The following STAC variants were observed in gnomAD, a reference collection of about 807,000 sequenced individuals.
STAC encodes SH3 and cysteine-rich domain-containing protein.
STAC carries 43 observed loss-of-function variants against 48.8 expected under a neutral mutation model. The observed-to-expected ratio is 0.88, with a 90% CI of 0.69 to 1.14. The LOEUF (loss-of-function observed/expected upper bound fraction) is 1.14. Ranked by LOEUF, STAC falls within the 50% of genes most tolerant of loss-of-function variation. The pLI, the probability that STAC is intolerant of heterozygous loss-of-function variation, is 0.00. For synonymous variants in STAC, 193 were observed against 179.5 expected, an observed-to-expected ratio of 1.07 and a Z score of -0.60; for missense variants, 497 against 504.0, an observed-to-expected ratio of 0.99 and a Z score of 0.13.
chr3:36,407,914 C>A (rs1035753205), intron 1 of STAC, among the ~76,000 whole-genome samples: 3 of 152,330 alleles, frequency 2.0e-5, no homozygotes, highest in Admixed American at 6.5e-5. Context: ...GCTTGGAGTC[C>A]TCTTCCAAGT....
At chr3:36,446,522 T>C (rs891317359) in intron 2 of STAC, among the ~76,000 whole-genome samples, 1 of 152,244 alleles carries the variant, frequency 6.6e-6, no homozygotes, top group Non-Finnish European at 1.5e-5. Flanking sequence ...ATCACCTAAA[T>C]GTATTCCATT....
At chr3:36,439,493 T>C (rs747570804) in intron 1 of STAC, among the ~76,000 whole-genome samples, 49 of 152,204 alleles carry the variant, frequency 3.2e-4, no homozygotes, top group Non-Finnish European at 5.9e-4. Flanking sequence ...GAGCAAACAG[T>C]AAATGATTTT....
chr3:36,455,895 C>T (rs1157040872), intron 2 of STAC, among the ~76,000 whole-genome samples: 1 of 152,060 alleles, frequency 6.6e-6, no homozygotes, highest in African/African-American at 2.4e-5. Context: ...ATTGTTCAAC[C>T]ACAGAAACAA....
At chr3:36,457,842 G>T (rs1376165173) in intron 2 of STAC, among the ~76,000 whole-genome samples, 1 of 152,150 alleles carries the variant, frequency 6.6e-6, no homozygotes, top group Non-Finnish European at 1.5e-5. Context: ...GACCCAGAGG[G>T]CAAAGGCTGT....
chr3:36,415,915 T>A (rs1700309151), intron 1 of STAC, among the ~76,000 whole-genome samples: 1 of 152,250 alleles, frequency 6.6e-6, no homozygotes, highest in Non-Finnish European at 1.5e-5. Context: ...TTGATATATA[T>A]GGTTGTATAT....
At chr3:36,498,420 G>A (rs1232696856) in intron 6 of STAC, among the ~76,000 whole-genome samples, 2 of 152,104 alleles carry the variant, frequency 1.3e-5, no homozygotes, top group African/African-American at 2.4e-5. Context: ...AGATGAATAA[G>A]TCCAACATGC....
chr3:36,405,801 G>C (rs2125630644), intron 1 of STAC, among the ~76,000 whole-genome samples: 1 of 152,254 alleles, frequency 6.6e-6, no homozygotes, highest in South Asian at 2.1e-4. Context: ...GCGCACTGCA[G>C]CCTCCAAATG....
At chr3:36,530,594 T>TTTTTTTTTTTTTTTTTTTTTTTTTTTC (rs1699041238) in intron 10 of STAC, among the ~76,000 whole-genome samples, 1 of 54,406 alleles carries the variant, frequency 1.8e-5, no homozygotes, top group African/African-American at 6.4e-5. Flanking sequence ...TTTTTTTTTC[T>TTTTTTTTTTTTTTTTTTTTTTTTTTTC]TTTTTTTTTT....
At chr3:36,487,666 A>C (rs1174156715) in intron 5 of STAC, among the ~76,000 whole-genome samples, 2 of 152,182 alleles carry the variant, frequency 1.3e-5, no homozygotes. Flanking sequence ...AAAAAAATAC[A>C]CTTTTATATG....
At chr3:36,386,104 G>C (rs954413353) in intron 1 of STAC, among the ~76,000 whole-genome samples, 4 of 152,052 alleles carry the variant, frequency 2.6e-5, no homozygotes, top group African/African-American at 9.7e-5. Flanking sequence ...TGCCAGCAAT[G>C]TATAAGACTT....
intron 2 of STAC, among the ~76,000 whole-genome samples, chr3:36,456,595 C>G (rs977675895): frequency 6.6e-6 from 1 of 152,154 alleles, no homozygotes; most frequent in African/African-American, 2.4e-5. Flanking sequence ...CTTACATCAA[C>G]TGCCAGAAGT....
At chr3:36,428,869 G>A (rs1700626853) in intron 1 of STAC, among the ~76,000 whole-genome samples, 1 of 152,196 alleles carries the variant, frequency 6.6e-6, no homozygotes, top group African/African-American at 2.4e-5. Flanking sequence ...GAGCAGAGTA[G>A]TAAAATGGTC....
chr3:36,434,203 G>A (rs1244672489), intron 1 of STAC, among the ~76,000 whole-genome samples: 1 of 152,162 alleles, frequency 6.6e-6, no homozygotes, highest in East Asian at 1.9e-4. Flanking sequence ...GAGTGTGAAG[G>A]GAGCTGGCTT....
At chr3:36,462,762 T>C (rs141600952) in intron 2 of STAC, among the ~76,000 whole-genome samples, 2 of 152,316 alleles carry the variant, frequency 1.3e-5, no homozygotes, top group East Asian at 3.9e-4. Flanking sequence ...TCTAGTAACC[T>C]TGATGAGAGC....
At chr3:36,391,276 A>G (rs1018394075) in intron 1 of STAC, among the ~76,000 whole-genome samples, 2 of 152,128 alleles carry the variant, frequency 1.3e-5, no homozygotes, top group African/African-American at 2.4e-5. Context: ...CCCACTGGCA[A>G]TCTGTCCTCT....
At chr3:36,478,783 C>T (rs561315264) in intron 2 of STAC, among the ~76,000 whole-genome samples, 4 of 152,216 alleles carry the variant, frequency 2.6e-5, no homozygotes, top group African/African-American at 9.6e-5. Flanking sequence ...CCACCGCACC[C>T]GGCTAGTTTT....
chr3:36,538,697 T>G (rs976819211), intron 10 of STAC, among the ~76,000 whole-genome samples: 3 of 152,190 alleles, frequency 2.0e-5, no homozygotes. Context: ...GTTATGTCAG[T>G]TTGATAGATT....
chr3:36,390,429 G>A (rs1024141233), intron 1 of STAC, among the ~76,000 whole-genome samples: 1 of 137,642 alleles, frequency 7.3e-6, no homozygotes, highest in African/African-American at 2.6e-5. Context: ...AAGTATGGAA[G>A]TAATCATGTG....
At chr3:36,449,105 T>C (rs1696608472) in intron 2 of STAC, among the ~76,000 whole-genome samples, 1 of 151,856 alleles carries the variant, frequency 6.6e-6, no homozygotes. Flanking sequence ...GGCAACGGAG[T>C]GAGACTTCAT....
Sources: allele counts gnomAD v4.1 joint callset (sites outside exome capture counted in the v4.1 genomes callset), GRCh38; gene constraint gnomAD v4.1.1; transcripts MANE v1.5; gene names NCBI Gene and HGNC (gene_info 2026-07-23, HGNC 2026-07-21).